Variants in SCN8A observed in about 807,000 individuals in gnomAD.
SCN8A encodes the protein sodium voltage-gated channel alpha subunit 8, also known as sodium channel protein type 8 subunit alpha.
In SCN8A, 30 loss-of-function variants were observed where a neutral mutation model predicts 184.1. That is an observed-to-expected ratio of 0.16 (90% CI 0.12 to 0.22). SCN8A has a LOEUF of 0.22. Ranked by LOEUF, SCN8A falls within the 10% of genes least tolerant of loss-of-function variation. SCN8A has a pLI of 1.00. For missense variants in SCN8A, 1,057 were observed against 2,498.9 expected, an observed-to-expected ratio of 0.42 and a Z score of 12.30; for synonymous variants, 852 against 907.0, an observed-to-expected ratio of 0.94 and a Z score of 1.09.
chr12:51,669,545 G>C (rs1006310085), intron 2 of SCN8A, among the ~76,000 whole-genome samples: 1 of 152,058 alleles, frequency 6.6e-6, no homozygotes, highest in Non-Finnish European at 1.5e-5. Context: ...TTTACCTTTT[G>C]ATATTCTACC....
At chr12:51,630,184 T>A (rs1165505207) in intron 1 of SCN8A, among the ~76,000 whole-genome samples, 1 of 152,152 alleles carries the variant, frequency 6.6e-6, no homozygotes, top group Admixed American at 6.6e-5. Flanking sequence ...ACATTCACAT[T>A]GTTATGTAAC....
intron 16 of SCN8A, 32 bp downstream of exon 16, chr12:51,766,059 A>G (rs1223832243): frequency 6.4e-7 from 1 of 1,566,876 alleles, no homozygotes; most frequent in Admixed American, 1.7e-5. Flanking sequence ...TTTTTGTTCT[A>G]CACCCTGAAT....
intron 1 of SCN8A, among the ~76,000 whole-genome samples, chr12:51,600,726 G>A (rs1318956639): frequency 1.3e-5 from 2 of 151,782 alleles, no homozygotes; most frequent in African/African-American, 4.8e-5. Flanking sequence ...AAAAATAAAG[G>A]GTTACTAGAT....
chr12:51,798,977 A>G (rs571098269), intron 26 of SCN8A, among the ~76,000 whole-genome samples: 2 of 152,340 alleles, frequency 1.3e-5, no homozygotes, highest in Admixed American at 1.3e-4. Flanking sequence ...CACTGCTCGA[A>G]GTTCTGCCCA....
intron 14 of SCN8A, among the ~76,000 whole-genome samples, chr12:51,754,753 T>C (rs1942648295): frequency 2.0e-5 from 3 of 152,232 alleles, no homozygotes; most frequent in Non-Finnish European, 4.4e-5. Flanking sequence ...ATTTGTTATG[T>C]AGAATTCCCT....
chr12:51,739,365 A>G (rs543134386), intron 12 of SCN8A, among the ~76,000 whole-genome samples: 3 of 152,206 alleles, frequency 2.0e-5, no homozygotes, highest in Admixed American at 2.0e-4. Flanking sequence ...TCACTGGGGC[A>G]ACTACTTTTT....
chr12:51,786,490 GTGCT>G, intron 21 of SCN8A, 48 bp from the exon 22 acceptor site: 1 of 1,596,926 alleles, frequency 6.3e-7, no homozygotes, highest in Non-Finnish European at 8.6e-7. Flanking sequence ...ATCAAAAAAT[GTGCT>G]TGCTCTCATT....
intron 11 of SCN8A, chr12:51,712,528 G>T: frequency 1.3e-6 from 1 of 774,026 alleles, no homozygotes; most frequent in Non-Finnish European, 2.4e-6. Flanking sequence ...CATAGGGACT[G>T]CCCGAGCTTC....
At chr12:51,640,212 G>GTTTTTTTTTTTTTTTTTTTTT (rs57362371) in intron 1 of SCN8A, among the ~76,000 whole-genome samples, 1 of 34,776 alleles carries the variant, frequency 2.9e-5, no homozygotes, top group African/African-American at 1.2e-4. Context: ...TGCCTGGCCT[G>GTTTTTTTTTTTTTTTTTTTTT]TTTTTTTTTT....
intron 11 of SCN8A, among the ~76,000 whole-genome samples, chr12:51,715,027 T>G (rs1941942358): frequency 6.6e-6 from 1 of 151,930 alleles, no homozygotes; most frequent in South Asian, 2.1e-4. Flanking sequence ...TCTAGGAAAA[T>G]TGAGATTGAG....
chr12:51,715,043 G>T (rs4762005), intron 11 of SCN8A, among the ~76,000 whole-genome samples: 114,760 of 152,038 alleles, frequency 0.75, 45,803 homozygotes, highest in East Asian at 0.9. Context: ...TTGAGGAAGG[G>T]TTGGGGTTTC....
intron 11 of SCN8A, chr12:51,713,308 A>G (rs1941912268): frequency 2.7e-6 from 3 of 1,109,406 alleles, no homozygotes; most frequent in Admixed American, 3.4e-5. Context: ...ATGCCCATCA[A>G]CCTTGTGTGG....
At chr12:51,777,516 A>G (rs1937742179) in intron 20 of SCN8A, among the ~76,000 whole-genome samples, 1 of 152,140 alleles carries the variant, frequency 6.6e-6, no homozygotes, top group South Asian at 2.1e-4. Flanking sequence ...GAATACTTTA[A>G]GCAATGTTAG....
intron 4 of SCN8A, 104 bp downstream of exon 4, chr12:51,686,561 T>C (rs1941424101): frequency 4.2e-6 from 3 of 720,114 alleles, no homozygotes; most frequent in East Asian, 5.5e-5. Flanking sequence ...AAATTAGTTA[T>C]TGCCTCTCTT....
At chr12:51,794,868 T>C (rs1938365591) in intron 26 of SCN8A, among the ~76,000 whole-genome samples, 1 of 151,388 alleles carries the variant, frequency 6.6e-6, no homozygotes. Context: ...ATAAATTCTG[T>C]GGCTCAGGGA....
chr12:51,714,285 A>G (rs1941930183), intron 11 of SCN8A, among the ~76,000 whole-genome samples: 1 of 152,246 alleles, frequency 6.6e-6, no homozygotes, highest in Admixed American at 6.5e-5. Flanking sequence ...CTGTTATAGT[A>G]AAATCCCTTG....
chr12:51,688,762 A>G lies in SCN8A; in HGVS notation c.615-243A>G, dbSNP rs767123396. 63 of 1,613,094 alleles carry G rather than the reference A, an allele frequency of 3.9e-5. No individual in the cohort carries two copies. The highest frequency in any genetic ancestry group is 5.3e-5 in the Non-Finnish European group (62 of 1,179,176). On this transcript the variant is annotated intron_variant, in intron 5 of 26. Transcript: ENST00000627620. ...AACTTTGGTTTGATTCTGCAGGTAT[A>G]TAACAGAGTTTGTAAACCTAGGCAA...
At chr12:51,688,322 T>C (rs770415910) in intron 5 of SCN8A, among the ~76,000 whole-genome samples, 13 of 152,366 alleles carry the variant, frequency 8.5e-5, no homozygotes, top group Non-Finnish European at 1.5e-4. Flanking sequence ...TACAGACATT[T>C]AGTCAATTTT....
chr12:51,677,982 C>G (rs1941253846), intron 2 of SCN8A, among the ~76,000 whole-genome samples: 1 of 152,222 alleles, frequency 6.6e-6, no homozygotes, highest in Non-Finnish European at 1.5e-5. Context: ...ATTGTAAAAA[C>G]CCAAAGCTTG....
Sources: gnomAD v4.1 joint callset for allele counts (sites outside exome capture counted in the v4.1 genomes callset) on GRCh38, gnomAD v4.1.1 for gene constraint, MANE v1.5 for transcripts, NCBI Gene and HGNC (gene_info 2026-07-23, HGNC 2026-07-21) for gene names.